BBX: variants seen among roughly 807,000 people sequenced by gnomAD.
BBX encodes BBX high mobility group box domain containing, also known as HMG box transcription factor BBX.
BBX carries 30 observed loss-of-function variants against 100.2 expected under a neutral mutation model. The observed-to-expected ratio is 0.30, with a 90% CI of 0.22 to 0.41. The LOEUF is 0.41. Ranked by LOEUF, BBX falls within the 10% of genes least tolerant of loss-of-function variation. The pLI, the probability that BBX is intolerant of heterozygous loss-of-function variation, is 1.00. For missense variants in BBX, 1,023 were observed against 1,129.8 expected (o/e 0.91, Z 1.35); for synonymous variants, 376 against 388.1 (o/e 0.97, Z 0.37).
At chr3:107,693,685 C>T (rs2060355400) in intron 3 of BBX, among the ~76,000 whole-genome samples, 1 of 151,796 alleles carries the variant, frequency 6.6e-6, no homozygotes, top group South Asian at 2.1e-4. Flanking sequence ...GATGCGGGCT[C>T]TTTTTTGGTT....
chr3:107,730,418 A>G (rs567269316), intron 6 of BBX, among the ~76,000 whole-genome samples: 2 of 151,886 alleles, frequency 1.3e-5, no homozygotes, highest in South Asian at 4.2e-4. Context: ...TTTGGTCATC[A>G]TGTAACATCC....
At chr3:107,605,249 C>T (rs1432203833) in intron 2 of BBX, among the ~76,000 whole-genome samples, 1 of 152,194 alleles carries the variant, frequency 6.6e-6, no homozygotes, top group African/African-American at 2.4e-5. Flanking sequence ...CCCAATCTAA[C>T]TCTGCTGGTC....
At chr3:107,589,280 A>T (rs999689155) in intron 2 of BBX, among the ~76,000 whole-genome samples, 1 of 152,224 alleles carries the variant, frequency 6.6e-6, no homozygotes, top group Non-Finnish European at 1.5e-5. Flanking sequence ...AGGTCAATAA[A>T]TAAGTGTATT....
At chr3:107,803,579 T>C (rs1178797324) in intron 17 of BBX, among the ~76,000 whole-genome samples, 2 of 152,206 alleles carry the variant, frequency 1.3e-5, no homozygotes, top group African/African-American at 2.4e-5. Flanking sequence ...AATAGAGAGT[T>C]GGAACAAACC....
At chr3:107,775,761 CTTTAAGTCT>C (rs2107806253) in intron 12 of BBX, among the ~76,000 whole-genome samples, 1 of 152,130 alleles carries the variant, frequency 6.6e-6, no homozygotes, top group Admixed American at 6.5e-5. Context: ...TGTCACAGTG[CTTTAAGTCT>C]GGCTAATTCT....
intron 3 of BBX, among the ~76,000 whole-genome samples, chr3:107,686,166 G>T (rs569794921): frequency 1.3e-5 from 2 of 152,080 alleles, no homozygotes; most frequent in African/African-American, 2.4e-5. Flanking sequence ...AGGAAAATAC[G>T]TAAATATGTG....
chr3:107,591,889 A>C (rs1184810010), intron 2 of BBX, among the ~76,000 whole-genome samples: 1 of 152,188 alleles, frequency 6.6e-6, no homozygotes, highest in African/African-American at 2.4e-5. Context: ...TTCTTAGTAC[A>C]ATTTCATGGA....
rs2049163845 is a variant in BBX, at chr3:107,545,467, T to G, written c.-84+19069T>G. On this transcript the variant is annotated intron_variant, in intron 2 of 17. Transcript: ENST00000325805. ...GCTAAATGGAAATAAAAGCTTTTAATTTTTGTAGGAGAGTAGTGATAGCAG... is the reference window on the plus strand; with the variant it reads ...GCTAAATGGAAATAAAAGCTTTTAAGTTTTGTAGGAGAGTAGTGATAGCAG... Among the ~76,000 whole-genome samples the G allele has an allele frequency of 2.0e-5, 3 of 152,146 alleles. No individual in the cohort carries two copies. In the South Asian group the frequency reaches 6.2e-4, roughly 31 times the overall value.
intron 2 of BBX, among the ~76,000 whole-genome samples, chr3:107,551,945 G>A (rs1230216694): frequency 6.6e-6 from 1 of 152,150 alleles, no homozygotes. Flanking sequence ...TTTAGTTGCA[G>A]AACATTGAGC....
At chr3:107,548,806 C>T (rs2049437249) in intron 2 of BBX, among the ~76,000 whole-genome samples, 1 of 152,108 alleles carries the variant, frequency 6.6e-6, no homozygotes, top group Admixed American at 6.5e-5. Flanking sequence ...TACTATGCAG[C>T]CATAAAAAAG....
intron 2 of BBX, among the ~76,000 whole-genome samples, chr3:107,567,051 G>A (rs368023780): frequency 6.6e-6 from 1 of 151,960 alleles, no homozygotes; most frequent in South Asian, 2.1e-4. Context: ...TTAAAATGTG[G>A]TTTAAAATTT....
chr3:107,662,922 G>A (rs1379232943), intron 3 of BBX: 1 of 152,036 alleles, frequency 6.6e-6, no homozygotes, highest in African/African-American at 2.4e-5. Context: ...CTTTAAAATT[G>A]TTTGTTAAAT....
At chr3:107,616,946 G>A (rs1038194269) in intron 2 of BBX, among the ~76,000 whole-genome samples, 2 of 151,974 alleles carry the variant, frequency 1.3e-5, no homozygotes, top group African/African-American at 4.8e-5. Flanking sequence ...CTGGTGTCAA[G>A]TCCAATAACT....
At chr3:107,663,811 CTT>C (rs35847055) in intron 3 of BBX, among the ~76,000 whole-genome samples, 10 of 140,386 alleles carry the variant, frequency 7.1e-5, no homozygotes, top group East Asian at 2.2e-4. Flanking sequence ...CTTTTTTTTC[CTT>C]TTTTTTTTTT....
intron 2 of BBX, among the ~76,000 whole-genome samples, chr3:107,541,448 T>C (rs1049508732): frequency 6.6e-6 from 1 of 152,204 alleles, no homozygotes; most frequent in Non-Finnish European, 1.5e-5. Context: ...AAGGCCCATG[T>C]AGGGCCTTAA....
At chr3:107,525,484 G>A (rs1334363756) in intron 1 of BBX, 9 of 152,360 alleles carry the variant, frequency 5.9e-5, no homozygotes, top group South Asian at 4.1e-4. Context: ...TTTACGCCCG[G>A]AGTGTGGTAT....
intron 2 of BBX, among the ~76,000 whole-genome samples, chr3:107,619,440 C>T (rs2055567580): frequency 6.6e-6 from 1 of 152,066 alleles, no homozygotes; most frequent in Non-Finnish European, 1.5e-5. Context: ...TTTAGATCCA[C>T]AGCAGATAGT....
intron 3 of BBX, among the ~76,000 whole-genome samples, chr3:107,666,827 C>T (rs2058774953): frequency 6.6e-6 from 1 of 152,208 alleles, no homozygotes; most frequent in African/African-American, 2.4e-5. Flanking sequence ...GCCTCGGCCT[C>T]CCAAAGTGCT....
intron 2 of BBX, among the ~76,000 whole-genome samples, chr3:107,529,915 A>G (rs2048042003): frequency 6.6e-6 from 1 of 152,184 alleles, no homozygotes; most frequent in Non-Finnish European, 1.5e-5. Context: ...CCAGTAAAGA[A>G]TTTCATCTAA....
Sources: allele counts gnomAD v4.1 joint callset (sites outside exome capture counted in the v4.1 genomes callset), GRCh38; gene constraint gnomAD v4.1.1; transcripts MANE v1.5; gene names NCBI Gene and HGNC (gene_info 2026-07-23, HGNC 2026-07-21).